The following RBBP9 variants were observed in gnomAD, a reference collection of about 807,000 sequenced individuals.
The protein encoded by RBBP9 is RB binding protein 9, serine hydrolase.
Under a neutral mutation model 24.2 loss-of-function variants are expected in RBBP9, and 20 were observed. The ratio of observed to expected loss-of-function variants is 0.83; its 90% CI spans 0.58 to 1.20. The LOEUF (loss-of-function observed/expected upper bound fraction) is 1.20. RBBP9 is among the 50% of genes most tolerant of loss of function. The pLI is 0.00. For synonymous variants in RBBP9, 74 were observed against 84.6 expected (o/e 0.87, Z 0.69); for missense variants, 234 against 233.6 (o/e 1.00, Z -0.01).
intron 3 of RBBP9, 68 bp downstream of exon 3, chr20:18,493,890 G>C (rs575062994): frequency 6.7e-6 from 8 of 1,196,624 alleles, no homozygotes; most frequent in African/African-American, 1.6e-5. Context: ...TAAGATATAC[G>C]CAAGGTATTT....
At chr20:18,494,121 C>T (rs900171627) in intron 2 of RBBP9, 58 bp from the exon 3 acceptor site, 23 of 1,350,118 alleles carry the variant, frequency 1.7e-5, no homozygotes, top group African/African-American at 4.3e-5. Context: ...CTGAATCCAA[C>T]GCTGCCCCAC....
At chr20:18,493,208 T>A (rs2059871948) in intron 3 of RBBP9, among the ~76,000 whole-genome samples, 1 of 152,066 alleles carries the variant, frequency 6.6e-6, no homozygotes, top group African/African-American at 2.4e-5. Context: ...AAAGGGGAGA[T>A]GTAATATTCT....
In RBBP9 at chr20:18,495,071, C is replaced by T. The variant is rs535950416; in HGVS notation, c.142+767G>A. On this transcript the variant is annotated intron_variant, in intron 2 of 4. Transcript: ENST00000337227. ...GAGGAGCCCCTCTGTCCGGCCACCA[C>T]CCCGTCTGGGAGGTGTACCCAACAG... 3.9e-3 allele frequency among the ~76,000 whole-genome samples: 584 copies of T among 151,604 alleles called. 14 individuals are homozygous for T. Among genetic ancestry groups the T allele is most frequent in the African/African-American group, 0.013 (546 of 41,274 alleles).
At chr20:18,496,964 T>A (rs1167238428) in intron 1 of RBBP9, 105 bp downstream of exon 1, 3 of 891,090 alleles carry the variant, frequency 3.4e-6, no homozygotes, top group Non-Finnish European at 5.3e-6. Context: ...CACACAGGGC[T>A]TTGCTAGAGG....
Position 18,489,860 on chromosome 20 carries a change from G to C in RBBP9, c.465C>G (p.Thr155=). The stretch of plus-strand genomic sequence containing the variant: ...CACAGTCAGTGAATTTGTGCAATTT[G>C]GTTTCCAACCTATCGGCCACTTCTT... The part of the protein sequence containing the change: ...EQQEVADRLE[T]KLHKFTDCGH... Residue 155 remains threonine, a synonymous_variant, in exon 5 of 5, where the codon ACC becomes ACG. Coordinates refer to ENST00000337227, the MANE Select transcript of RBBP9 (RefSeq NM_006606.3). 6.2e-7 allele frequency: 1 copy of C among 1,614,072 alleles called. No homozygotes were observed. Among genetic ancestry groups the C allele is most frequent in the East Asian group, 2.2e-5 (1 of 44,886 alleles).
chr20:18,493,974 C>G lies in RBBP9; in HGVS notation c.232G>C (p.Ala78Pro). The change falls in exon 3 of 5, where the codon GCC becomes CCC. Residue 78 changes from alanine (A) to proline (P), a missense_variant. Physicochemically the swap from Ala to Pro is conservative, Grantham distance 27 (BLOSUM62 -1). Transcript: ENST00000337227. ...AGATCGCACCTCATGGCCGCGATGG[C>G]CCCAGAACTGTGGCCAATGATGATA... The part of the protein sequence containing the change: ...KTIIIGHSSG[A>P]IAAMRYAETH... 6.2e-7 allele frequency: 1 copy of G among 1,612,672 alleles called. No homozygotes were observed. The highest frequency in any genetic ancestry group is 8.5e-7 in the Non-Finnish European group (1 of 1,179,664).
chr20:18,489,995 G>A lies in RBBP9; in HGVS notation c.335-5C>T, dbSNP rs781227980. ...GCCAGGGGCGGGTGAAGTATCCTATGGGGAAAAAAAAATGATCTTTCAGTA... is the reference window on the plus strand; with the variant it reads ...GCCAGGGGCGGGTGAAGTATCCTATAGGGAAAAAAAAATGATCTTTCAGTA... On this transcript the variant is annotated splice_polypyrimidine_tract_variant and splice_region_variant and intron_variant, in intron 4 of 4. Coordinates refer to ENST00000337227, the MANE Select transcript of RBBP9 (RefSeq NM_006606.3). 1.3e-6 allele frequency: 2 copies of A among 1,576,036 alleles called. No homozygotes were observed. The highest frequency in any genetic ancestry group is 2.3e-5 in the East Asian group (1 of 44,230).
intron 3 of RBBP9, among the ~76,000 whole-genome samples, chr20:18,492,278 A>C (rs1418684034): frequency 6.6e-6 from 1 of 152,144 alleles, no homozygotes; most frequent in Non-Finnish European, 1.5e-5. Flanking sequence ...CCCCAACTGT[A>C]CCAAAAATGT....
rs2059850469 is a variant in RBBP9 at position 18,488,082 on chromosome 20, T to C, written c.*1682A>G. The stretch of plus-strand genomic sequence containing the variant: ...TAAGCACATTTAAAAACCAAGACTT[T>C]TGGTTTTGAGCGATAGCTCTGAATC... On this transcript the variant is annotated 3_prime_UTR_variant, in exon 5 of 5. Coordinates refer to ENST00000337227, the MANE Select transcript of RBBP9 (RefSeq NM_006606.3). 2 of 152,200 alleles carry C rather than the reference T, an allele frequency of 1.3e-5. No homozygotes were observed. The highest frequency in any genetic ancestry group is 4.8e-5 in the African/African-American group (2 of 41,460). The allele number at this position is 152,200 out of a possible 1,614,324, so 9.4% of individuals were successfully genotyped here. A position where few individuals can be genotyped will look rare whatever the true frequency, so the allele number is the denominator to read the frequency against.
chr20:18,496,008 G>A, intron 1 of RBBP9, 128 bp from the exon 2 acceptor site: 1 of 789,648 alleles, frequency 1.3e-6, no homozygotes. Flanking sequence ...ATGAAATGAA[G>A]TAGGTTAAGT....
chr20:18,493,818 G>T, intron 3 of RBBP9, 140 bp downstream of exon 3: 1 of 641,008 alleles, frequency 1.6e-6, no homozygotes, highest in East Asian at 3.1e-5. Context: ...AACCAGGAAG[G>T]AATTAGGACA....
At chr20:18,495,752 C>T (rs891175435) in intron 2 of RBBP9, 86 bp downstream of exon 2, 1 of 1,349,184 alleles carries the variant, frequency 7.4e-7, no homozygotes, top group Non-Finnish European at 1.1e-6. Context: ...GGTTCCTCCA[C>T]TATGATATTC....
At chr20:18,495,644 GA>G (rs11476688) in intron 2 of RBBP9, among the ~76,000 whole-genome samples, 193 bp downstream of exon 2, 14,397 of 91,662 alleles carry the variant, frequency 0.16, 921 homozygotes, top group East Asian at 0.31. Context: ...TCACAGAATT[GA>G]AAAAAAAAAA....
intron 1 of RBBP9, among the ~76,000 whole-genome samples, chr20:18,496,750 T>C (rs188906509): frequency 9.2e-5 from 14 of 152,286 alleles, no homozygotes; most frequent in East Asian, 7.7e-4. Context: ...GCAGTGAACA[T>C]GTAAAATTAT....
chr20:18,495,716 TCTTTC>T (rs2059884170), intron 2 of RBBP9, 117 bp downstream of exon 2: 1 of 845,940 alleles, frequency 1.2e-6, no homozygotes, highest in Non-Finnish European at 1.8e-6. Context: ...CTTGCCTTAT[TCTTTC>T]TTAGGTATAT....
In RBBP9 at chr20:18,489,012, C is replaced by T. The variant is rs1207462143; in HGVS notation, c.*752G>A. On this transcript the variant is annotated 3_prime_UTR_variant, in exon 5 of 5. Transcript: ENST00000337227. ...TTGCATTCCCCAAATTTAAAAACTA[C>T]AATTTGGAGATTTTTTTCCACACAA... 1 of 151,460 alleles carries T rather than the reference C, an allele frequency of 6.6e-6. No homozygotes were observed. Among genetic ancestry groups the T allele is most frequent in the Non-Finnish European group, 1.5e-5 (1 of 67,942 alleles). 9.4% of individuals were successfully genotyped at this position (151,460 alleles called of 1,614,324 possible). A position where few individuals can be genotyped will look rare whatever the true frequency, so the allele number is the denominator to read the frequency against.
At chr20:18,491,486 A>C (rs1240765730) in intron 3 of RBBP9, among the ~76,000 whole-genome samples, 1 of 152,154 alleles carries the variant, frequency 6.6e-6, no homozygotes. Flanking sequence ...CAAGAAATAA[A>C]CAGGATGTCA....
Position 18,490,481 on chromosome 20 carries a change from C to G in RBBP9, c.249-1G>C, listed in dbSNP as rs1211668827. 7 of 1,603,612 alleles carry G rather than the reference C, an allele frequency of 4.4e-6. No homozygotes were observed. In the African/African-American group the frequency reaches 6.7e-5, roughly 15 times the overall value. On this transcript the variant is annotated splice_acceptor_variant, in intron 3 of 4. Transcript: ENST00000337227. LOFTEE classifies it high-confidence loss of function. Reference sequence around the variant, plus strand: ...ATATACTCGATGTGTTTCTGCATACCTGGAGAAACAAAAATGATGTCAGCT... The same window carrying G: ...ATATACTCGATGTGTTTCTGCATACGTGGAGAAACAAAAATGATGTCAGCT...
In RBBP9 at chr20:18,489,980, G is replaced by C; in HGVS notation, c.345C>G (p.Thr115=). ...DENERASGYF[T]RPWQWEKIKA... ...TGATCTTCTCCCACTGCCAGGGGCG[G>C]GTGAAGTATCCTATGGGGAAAAAAA... The change falls in exon 5 of 5, where the codon ACC becomes ACG. Residue 115 remains threonine, a synonymous_variant. Transcript: ENST00000337227. The C allele has an allele frequency of 6.2e-7, 1 of 1,602,378 alleles. No homozygotes were observed. The highest frequency in any genetic ancestry group is 1.3e-5 in the African/African-American group (1 of 74,810).
Sources: gnomAD v4.1 joint callset for allele counts (sites outside exome capture counted in the v4.1 genomes callset) on GRCh38, gnomAD v4.1.1 for gene constraint, MANE v1.5 for transcripts, NCBI Gene and HGNC (gene_info 2026-07-23, HGNC 2026-07-21) for gene names.